The following GAB2 variants were observed in gnomAD, a reference collection of about 807,000 sequenced individuals.
GAB2 encodes GRB2-associated-binding protein 2.
Under a neutral mutation model 65.5 loss-of-function variants are expected in GAB2, and 26 were observed. That is an observed-to-expected ratio of 0.40 (90% CI 0.29 to 0.55). GAB2 has a LOEUF of 0.55. GAB2 is among the 20% of genes least tolerant of loss of function. The pLI is 0.53. For missense variants in GAB2, 884 were observed against 875.8 expected, an observed-to-expected ratio of 1.01 and a Z score of -0.12; for synonymous variants, 321 against 329.6, an observed-to-expected ratio of 0.97 and a Z score of 0.28.
intron 1 of GAB2, among the ~76,000 whole-genome samples, chr11:78,407,515 C>G (rs1248059193): frequency 6.6e-6 from 1 of 151,952 alleles, no homozygotes; most frequent in Non-Finnish European, 1.5e-5. Context: ...CGCCTGTAAT[C>G]TCAGCTACTA....
At chr11:78,260,663 G>T (rs958998183) in intron 2 of GAB2, among the ~76,000 whole-genome samples, 1 of 151,960 alleles carries the variant, frequency 6.6e-6, no homozygotes, top group African/African-American at 2.4e-5. Context: ...GTAGTGTCAG[G>T]GTTTCACCAT....
chr11:78,220,944 G>A (rs1010939251), intron 8 of GAB2, among the ~76,000 whole-genome samples: 4 of 152,190 alleles, frequency 2.6e-5, no homozygotes, highest in African/African-American at 7.2e-5. Context: ...GTGGCCTAGA[G>A]TGGGGTAGTC....
intron 1 of GAB2, among the ~76,000 whole-genome samples, chr11:78,412,322 A>C (rs1857140641): frequency 6.6e-6 from 1 of 152,212 alleles, no homozygotes; most frequent in South Asian, 2.1e-4. Flanking sequence ...CATACCATGA[A>C]ATACTACTTA....
chr11:78,238,517 G>A (rs1365924477), intron 3 of GAB2, among the ~76,000 whole-genome samples: 1 of 142,786 alleles, frequency 7.0e-6, no homozygotes, highest in Non-Finnish European at 1.5e-5. Context: ...AATATTGGTA[G>A]AAAGTTTGCT....
At chr11:78,403,903 C>CT (rs1036825158) in intron 1 of GAB2, among the ~76,000 whole-genome samples, 22 of 151,334 alleles carry the variant, frequency 1.5e-4, no homozygotes, top group South Asian at 2.1e-4. Flanking sequence ...GCATTCAGTT[C>CT]TTTTTTTTTG....
intron 1 of GAB2, among the ~76,000 whole-genome samples, chr11:78,299,643 C>A (rs187501099): frequency 1.1e-4 from 16 of 152,284 alleles, no homozygotes; most frequent in Non-Finnish European, 1.5e-4. Flanking sequence ...TCCCTGGTCA[C>A]AGTATTCTAC....
At chr11:78,296,595 T>C (rs1317285285) in intron 1 of GAB2, among the ~76,000 whole-genome samples, 1 of 151,314 alleles carries the variant, frequency 6.6e-6, no homozygotes, top group African/African-American at 2.4e-5. Flanking sequence ...GTACCCGATA[T>C]ATGACAAAGA....
intron 1 of GAB2, among the ~76,000 whole-genome samples, chr11:78,368,639 C>T (rs1856528369): frequency 6.6e-6 from 1 of 151,896 alleles, no homozygotes; most frequent in Admixed American, 6.6e-5. Flanking sequence ...GAACAATTAA[C>T]CCTAATAAAA....
rs1565168352 is a variant in GAB2 at position 78,346,722 on chromosome 11, A to ATATATATT, written c.76-65822_76-65821insAATATATA. Among the ~76,000 whole-genome samples the ATATATATT allele has an allele frequency of 2.9e-3, 89 of 30,772 alleles. 3 individuals are homozygous for ATATATATT. The highest frequency in any genetic ancestry group is 4.0e-3 in the African/African-American group (24 of 6,072). 20.2% of individuals were successfully genotyped at this position (30,772 alleles called of 152,430 possible). On this transcript the variant is annotated intron_variant, in intron 1 of 9. Transcript: ENST00000361507. Reference sequence around the variant, plus strand: ...ATATATATATATATATATATATATAATTTTTTTTTTTTTTAGGAAAAGAAA... The same window carrying ATATATATT: ...ATATATATATATATATATATATATAATATATATTTTTTTTTTTTTTTTAGGAAAAGAAA...
chr11:78,384,218 G>C (rs1385256300), intron 1 of GAB2, among the ~76,000 whole-genome samples: 1 of 152,208 alleles, frequency 6.6e-6, no homozygotes. Flanking sequence ...ATGATAATGA[G>C]AGAGCTGAAG....
intron 2 of GAB2, among the ~76,000 whole-genome samples, chr11:78,276,757 C>T (rs1413478554): frequency 6.6e-6 from 1 of 152,190 alleles, no homozygotes; most frequent in East Asian, 1.9e-4. Context: ...TACTGAAGTC[C>T]TATACAGTAA....
At chr11:78,271,770 A>G (rs987453818) in intron 2 of GAB2, among the ~76,000 whole-genome samples, 1 of 152,194 alleles carries the variant, frequency 6.6e-6, no homozygotes, top group African/African-American at 2.4e-5. Context: ...AGGCGGGTGG[A>G]TCACTTGAGC....
At chr11:78,348,939 A>G (rs1184550140) in intron 1 of GAB2, among the ~76,000 whole-genome samples, 1 of 152,240 alleles carries the variant, frequency 6.6e-6, no homozygotes, top group Non-Finnish European at 1.5e-5. Flanking sequence ...AAGCTGCACA[A>G]AAAGTGTACA....
intron 1 of GAB2, among the ~76,000 whole-genome samples, chr11:78,326,333 T>C (rs1052314822): frequency 6.6e-6 from 1 of 152,186 alleles, no homozygotes; most frequent in East Asian, 1.9e-4. Context: ...ACCACTGAAA[T>C]GCAAACATTA....
At chr11:78,336,326 CAAAAAAAAAAAAAAAA>C (rs71046966) in intron 1 of GAB2, among the ~76,000 whole-genome samples, 18 of 19,254 alleles carry the variant, frequency 9.3e-4, no homozygotes, top group East Asian at 7.0e-3. Context: ...GACTGTCTCT[CAAAAAAAAAAAAAAAA>C]AAAAAAAAAA....
At chr11:78,230,587 A>T (rs1864813383) in intron 3 of GAB2, among the ~76,000 whole-genome samples, 1 of 152,224 alleles carries the variant, frequency 6.6e-6, no homozygotes, top group Non-Finnish European at 1.5e-5. Context: ...CTTCTACCAG[A>T]CCATGTGCTC....
At chr11:78,220,233 C>T in intron 9 of GAB2, 86 bp downstream of exon 9, 3 of 1,420,252 alleles carry the variant, frequency 2.1e-6, no homozygotes, top group Non-Finnish European at 2.0e-6. Context: ...TGCTGCTGTT[C>T]AGTGTTGAAG....
At chr11:78,320,483 C>T (rs568540874) in intron 1 of GAB2, among the ~76,000 whole-genome samples, 2 of 152,180 alleles carry the variant, frequency 1.3e-5, no homozygotes, top group Non-Finnish European at 2.9e-5. Flanking sequence ...CTAAGGACAA[C>T]AGAAAAGAGG....
intron 1 of GAB2, among the ~76,000 whole-genome samples, chr11:78,337,469 A>T (rs1856021189): frequency 6.6e-6 from 1 of 152,226 alleles, no homozygotes; most frequent in Admixed American, 6.5e-5. Flanking sequence ...GAGGGGCTAG[A>T]AAGTAATAAA....
Sources: gnomAD v4.1 joint callset for allele counts (sites outside exome capture counted in the v4.1 genomes callset) on GRCh38, gnomAD v4.1.1 for gene constraint, MANE v1.5 for transcripts, NCBI Gene and HGNC (gene_info 2026-07-23, HGNC 2026-07-21) for gene names.